The following FRRS1L variants were observed in gnomAD, a reference collection of about 807,000 sequenced individuals.
FRRS1L encodes ferric chelate reductase 1 like, also known as DOMON domain-containing protein FRRS1L.
In FRRS1L, 22 loss-of-function variants were observed where a neutral mutation model predicts 28.6. The ratio of observed to expected loss-of-function variants is 0.77; its 90% CI spans 0.55 to 1.10. The LOEUF (loss-of-function observed/expected upper bound fraction) is 1.10. FRRS1L is among the 50% of genes least tolerant of loss of function. The pLI is 0.00. For synonymous variants in FRRS1L, 158 were observed against 151.4 expected, an observed-to-expected ratio of 1.04 and a Z score of -0.32; for missense variants, 380 against 386.9, an observed-to-expected ratio of 0.98 and a Z score of 0.15.
intron 3 of FRRS1L, among the ~76,000 whole-genome samples, chr9:109,143,738 C>T (rs982294042): frequency 2.0e-5 from 3 of 152,050 alleles, no homozygotes; most frequent in Non-Finnish European, 2.9e-5. Flanking sequence ...TGGTCTCAAA[C>T]TCCTGACCTC....
chr9:109,166,276 C>A (rs1831547509), intron 1 of FRRS1L, among the ~76,000 whole-genome samples: 1 of 152,166 alleles, frequency 6.6e-6, no homozygotes, highest in Admixed American at 6.5e-5. Context: ...AGTCTGCGGG[C>A]CCAGCAGGCC....
In FRRS1L at chr9:109,147,411, G is replaced by C. The variant is rs10979709; in HGVS notation, c.324-222C>G. 0.47 allele frequency: 233,396 copies of C among 498,580 alleles called. 55,917 individuals carry two copies. Among genetic ancestry groups the C allele is most frequent in the Non-Finnish European group, 0.5 (142,590 of 282,910 alleles). The allele number at this position is 498,580 out of a possible 1,614,324, so 30.9% of individuals were successfully genotyped here. A position where few individuals can be genotyped will look rare whatever the true frequency, so the allele number is the denominator to read the frequency against. ...AACTGCAGTCCTGAGATGGGAAGGG[G>C]CTTGCCCGAGGTTGTATAGTGAAGT... On this transcript the variant is annotated intron_variant, in intron 2 of 4. Coordinates refer to ENST00000561981, the MANE Select transcript of FRRS1L (RefSeq NM_014334.4).
chr9:109,154,064 T>A (rs959842788), intron 1 of FRRS1L, among the ~76,000 whole-genome samples: 1 of 152,178 alleles, frequency 6.6e-6, no homozygotes, highest in Non-Finnish European at 1.5e-5. Flanking sequence ...CTCTACTTCA[T>A]CCTGGCAGTT....
chr9:109,157,018 T>C (rs1308336983), intron 1 of FRRS1L, among the ~76,000 whole-genome samples: 1 of 152,216 alleles, frequency 6.6e-6, no homozygotes, highest in Non-Finnish European at 1.5e-5. Flanking sequence ...AACTGTAAAT[T>C]TCCCTCTAAG....
intron 1 of FRRS1L, among the ~76,000 whole-genome samples, chr9:109,162,042 A>G (rs568499696): frequency 6.6e-6 from 1 of 152,292 alleles, no homozygotes; most frequent in South Asian, 2.1e-4. Context: ...TAGGCCAGAC[A>G]TGGTGGCTCA....
chr9:109,164,200 C>A (rs1288616317), intron 1 of FRRS1L, among the ~76,000 whole-genome samples: 1 of 152,070 alleles, frequency 6.6e-6, no homozygotes, highest in Non-Finnish European at 1.5e-5. Flanking sequence ...CCACTTACAT[C>A]TCAACTAGCA....
Position 109,147,074 on chromosome 9 carries a change from C to T in FRRS1L, c.439G>A (p.Gly147Arg). Residue 147 changes from glycine (G) to arginine (R), a missense_variant, in exon 3 of 5, where the codon GGA becomes AGA. Coordinates refer to ENST00000561981, the MANE Select transcript of FRRS1L (RefSeq NM_014334.4). Reference protein sequence around the residue: ...SADTDGWVAVGFSSDKKMGGD... With the variant: ...SADTDGWVAVRFSSDKKMGGD... ...ACCATTTTCTTGTCTGAAGAGAATC[C>T]AACTGCTACCCAACCATCTGTGTCT... 1 of 1,613,942 alleles carries T rather than the reference C, an allele frequency of 6.2e-7. No homozygotes were observed. The highest frequency in any genetic ancestry group is 8.5e-7 in the Non-Finnish European group (1 of 1,179,844).
At chr9:109,144,322 A>C (rs750380492) in intron 3 of FRRS1L, among the ~76,000 whole-genome samples, 1 of 152,168 alleles carries the variant, frequency 6.6e-6, no homozygotes, top group East Asian at 1.9e-4. Context: ...TTCCTACGAC[A>C]CACCTACAAC....
intron 1 of FRRS1L, among the ~76,000 whole-genome samples, chr9:109,162,030 T>C (rs1437242886): frequency 1.1e-4 from 16 of 152,142 alleles, no homozygotes; most frequent in Non-Finnish European, 2.1e-4. Flanking sequence ...AATACCCAAC[T>C]CTAGGCCAGA....
At chr9:109,146,184 C>G (rs74793865) in intron 3 of FRRS1L, among the ~76,000 whole-genome samples, 2 of 151,530 alleles carry the variant, frequency 1.3e-5, no homozygotes, top group Non-Finnish European at 2.9e-5. Flanking sequence ...GCAACAAGAG[C>G]GAAACTCTAT....
chr9:109,151,281 A>T (rs1042108927), intron 1 of FRRS1L: 2 of 152,280 alleles, frequency 1.3e-5, no homozygotes, highest in African/African-American at 4.8e-5. Context: ...TCCCTGGGCC[A>T]CTAACCAGTA....
rs757262479 is a variant in FRRS1L, at chr9:109,149,771, A to C, written c.239-51T>G. On this transcript the variant is annotated intron_variant, in intron 1 of 4. Transcript: ENST00000561981. ...TAGAAAATCCAGTAACAACTGTTCC[A>C]ATGAGAATTTTTAAAAATGTGTTGA... The C allele has an allele frequency of 4.0e-6, 5 of 1,240,430 alleles. No individual in the cohort carries two copies. In the South Asian group the frequency reaches 6.4e-5, roughly 16 times the overall value. The allele number at this position is 1,240,430 out of a possible 1,614,324, so 76.8% of individuals were successfully genotyped here. A position where few individuals can be genotyped will look rare whatever the true frequency, so the allele number is the denominator to read the frequency against.
At chr9:109,163,137 G>A (rs909058766) in intron 1 of FRRS1L, among the ~76,000 whole-genome samples, 4 of 152,132 alleles carry the variant, frequency 2.6e-5, no homozygotes, top group Non-Finnish European at 5.9e-5. Flanking sequence ...ACTCAGTTTT[G>A]TTTGTTTTTC....
chr9:109,146,080 C>T (rs1831256719), intron 3 of FRRS1L, among the ~76,000 whole-genome samples: 2 of 151,804 alleles, frequency 1.3e-5, no homozygotes, highest in Admixed American at 1.3e-4. Flanking sequence ...GCCCGTAATC[C>T]CAGCTACTTG....
chr9:109,163,651 T>C (rs1019886093), intron 1 of FRRS1L, among the ~76,000 whole-genome samples: 4 of 152,170 alleles, frequency 2.6e-5, no homozygotes, highest in Non-Finnish European at 5.9e-5. Flanking sequence ...TCAGTTTCAG[T>C]GGATTTCCAT....
chr9:109,131,350 T>A lies in FRRS1L; in HGVS notation c.*6105A>T, dbSNP rs1166826841. On this transcript the variant is annotated 3_prime_UTR_variant, in exon 5 of 5. Transcript: ENST00000561981. Reference sequence around the variant, plus strand: ...TAGTAAAACATCCAGGAATCCTTTCTACAAACTACATTGCTATAAACTCAA... The same window carrying A: ...TAGTAAAACATCCAGGAATCCTTTCAACAAACTACATTGCTATAAACTCAA... The A allele has an allele frequency of 6.6e-6, 1 of 152,244 alleles. No homozygotes were observed. The highest frequency in any genetic ancestry group is 2.4e-5 in the African/African-American group (1 of 41,472). The allele number at this position is 152,244 out of a possible 1,614,324, so 9.4% of individuals were successfully genotyped here. A position where few individuals can be genotyped will look rare whatever the true frequency, so the allele number is the denominator to read the frequency against.
At position 109,133,294 on chromosome 9, in the gene FRRS1L, G is replaced by C. The variant is rs756089863; in HGVS notation, c.*4161C>G. ...GATCTGTGTATTAAACCTATTAAAA[G>C]AACTAAAATGACTGGTAAAATAAAG... On this transcript the variant is annotated 3_prime_UTR_variant, in exon 5 of 5. Coordinates refer to ENST00000561981, the MANE Select transcript of FRRS1L (RefSeq NM_014334.4). 2 of 152,098 alleles carry C rather than the reference G, an allele frequency of 1.3e-5. No homozygotes were observed. The highest frequency in any genetic ancestry group is 2.4e-5 in the African/African-American group (1 of 41,422). 9.4% of individuals were successfully genotyped at this position (152,098 alleles called of 1,614,324 possible).
At chr9:109,144,857 G>C (rs1225490122) in intron 3 of FRRS1L, among the ~76,000 whole-genome samples, 1 of 151,798 alleles carries the variant, frequency 6.6e-6, no homozygotes, top group African/African-American at 2.4e-5. Context: ...CTAATTTTTT[G>C]TATTTTTAGT....
chr9:109,149,392 T>C (rs1226315750), intron 2 of FRRS1L, among the ~76,000 whole-genome samples: 2 of 152,140 alleles, frequency 1.3e-5, no homozygotes, highest in Admixed American at 1.3e-4. Context: ...AGGAGACACC[T>C]GGAGCAATGG....
Sources: gnomAD v4.1 joint callset for allele counts (sites outside exome capture counted in the v4.1 genomes callset) on GRCh38, gnomAD v4.1.1 for gene constraint, MANE v1.5 for transcripts, NCBI Gene and HGNC (gene_info 2026-07-23, HGNC 2026-07-21) for gene names.